N4BP2: variants seen among roughly 807,000 people sequenced by gnomAD.
N4BP2 encodes NEDD4 binding protein 2.
N4BP2 carries 91 observed loss-of-function variants against 152.8 expected under a neutral mutation model. The ratio of observed to expected loss-of-function variants is 0.60; its 90% CI spans 0.50 to 0.71. N4BP2 has a LOEUF of 0.71. Ranked by LOEUF, N4BP2 falls within the 30% of genes least tolerant of loss-of-function variation. The pLI is 0.00. For synonymous variants in N4BP2, 646 were observed against 705.3 expected, an observed-to-expected ratio of 0.92 and a Z score of 1.33; for missense variants, 1,923 against 2,059.1, an observed-to-expected ratio of 0.93 and a Z score of 1.28.
chr4:40,102,265 A>T lies in N4BP2; in HGVS notation c.420A>T (p.Glu140Asp). 1.9e-6 allele frequency: 3 copies of T among 1,613,786 alleles called. No individual in the cohort carries two copies. In the Middle Eastern group the frequency reaches 5.0e-4, roughly 266 times the overall value. ...CATTTTTGGACATGCAGCTAACTGAAGACCTGGATTCCTTAATACAGAATG... is the reference window on the plus strand; with the variant it reads ...CATTTTTGGACATGCAGCTAACTGATGACCTGGATTCCTTAATACAGAATG... ...MDSFLDMQLT[E>D]DLDSLIQNAF... Residue 140 changes from glutamate (E) to aspartate (D), a missense_variant, in exon 4 of 18, where the codon GAA (glutamate) becomes GAT (aspartate). Coordinates refer to ENST00000261435, the MANE Select transcript of N4BP2 (RefSeq NM_018177.6).
intron 2 of N4BP2, among the ~76,000 whole-genome samples, chr4:40,081,141 T>C (rs906256907): frequency 1.3e-5 from 2 of 152,068 alleles, no homozygotes; most frequent in African/African-American, 4.8e-5. Flanking sequence ...ATAATAATGA[T>C]TTTTTCCTGA....
chr4:40,190,123 TCTA>T, the N4BP2 span, among the ~76,000 whole-genome samples: 1 of 152,200 alleles, frequency 6.6e-6, no homozygotes, highest in Non-Finnish European at 1.5e-5. Flanking sequence ...TGTAACATAT[TCTA>T]CTACTAGAGT....
intron 12 of N4BP2, among the ~76,000 whole-genome samples, chr4:40,127,322 A>T (rs576343927): frequency 6.6e-6 from 1 of 150,432 alleles, no homozygotes; most frequent in Non-Finnish European, 1.5e-5. Context: ...GGTTTAAGTG[A>T]GCCTCCTGTC....
rs139552932 is a variant in N4BP2, at chr4:40,139,863, T to C, written c.4785+2781T>C. ...TTTTTGAGACAGGGTCTCACTGTGTTGCTCAGGCTGGAGTGCAGTGGCAGG... is the reference window on the plus strand; with the variant it reads ...TTTTTGAGACAGGGTCTCACTGTGTCGCTCAGGCTGGAGTGCAGTGGCAGG... On this transcript the variant is annotated intron_variant, in intron 14 of 17. Coordinates refer to ENST00000261435, the MANE Select transcript of N4BP2 (RefSeq NM_018177.6). 2.2e-3 allele frequency among the ~76,000 whole-genome samples: 320 copies of C among 142,646 alleles called. 1 individual carries two copies. Among genetic ancestry groups the C allele is most frequent in the African/African-American group, 7.8e-3 (300 of 38,248 alleles). The allele number at this position is 142,646 out of a possible 152,430, so 93.6% of individuals were successfully genotyped here. A position where few individuals can be genotyped will look rare whatever the true frequency, so the allele number is the denominator to read the frequency against.
At chr4:40,133,382 C>T (rs966790520) in intron 13 of N4BP2, among the ~76,000 whole-genome samples, 2 of 152,192 alleles carry the variant, frequency 1.3e-5, no homozygotes, top group East Asian at 3.8e-4. Context: ...GTCTCCCAGG[C>T]TGGAGTGCAG....
chr4:40,096,291 C>T (rs1715100728), intron 2 of N4BP2, among the ~76,000 whole-genome samples: 1 of 152,070 alleles, frequency 6.6e-6, no homozygotes, highest in African/African-American at 2.4e-5. Flanking sequence ...TGTTGGGGCT[C>T]TGAGGTCCTG....
rs554228663 is a variant in N4BP2 at position 40,063,746 on chromosome 4, C to T, written c.-212+6716C>T. On this transcript the variant is annotated intron_variant, in intron 1 of 17. Transcript: ENST00000261435. ...ACAACCTCCACCTCCCGTGTTCAAG[C>T]GATTCTCCTGTCTCAGCCTCCCGAG... 1.2e-4 allele frequency among the ~76,000 whole-genome samples: 18 copies of T among 151,982 alleles called. No individual in the cohort carries two copies. The South Asian group carries it at 3.3e-3, about 28-fold the overall frequency.
At position 40,103,162 on chromosome 4, in the gene N4BP2, A is replaced by T. The variant is rs1715875574; in HGVS notation, c.1317A>T (p.Gly439=). 1 of 1,613,974 alleles carries T rather than the reference A, an allele frequency of 6.2e-7. No homozygotes were observed. The highest frequency in any genetic ancestry group is 1.1e-5 in the South Asian group (1 of 91,072). The change falls in exon 4 of 18, where the codon GGA becomes GGT. Residue 439 remains glycine (G), a synonymous_variant. Transcript: ENST00000261435. ...QVVRKKTSYV[G]LVLVLLRGLP... ...TAAGAAAGAAGACATCTTACGTTGG[A>T]CTAGTTCTTGTTCTTCTCAGAGGTC...
chr4:40,109,250 A>T (rs1716630049), intron 5 of N4BP2, among the ~76,000 whole-genome samples: 1 of 152,156 alleles, frequency 6.6e-6, no homozygotes, highest in African/African-American at 2.4e-5. Flanking sequence ...ACATAACTAA[A>T]ACCAAAGGAG....
In N4BP2 at chr4:40,117,963, G is replaced by C; in HGVS notation, c.1759G>C (p.Val587Leu). The change falls in exon 8 of 18, where the codon GTT (valine) becomes CTT (leucine). Residue 587 changes from valine to leucine, a missense_variant. Coordinates refer to ENST00000261435, the MANE Select transcript of N4BP2 (RefSeq NM_018177.6). ...VSVPIIMSSS[V>L]PEKIERIELC... Reference sequence around the variant, plus strand: ...AGTGCCAATAATTATGAGTTCTTCGGTTCCAGAGAAAATTGAACGTATTGA... The same window carrying C: ...AGTGCCAATAATTATGAGTTCTTCGCTTCCAGAGAAAATTGAACGTATTGA... The C allele has an allele frequency of 1.9e-6, 3 of 1,612,508 alleles. No homozygotes were observed. The highest frequency in any genetic ancestry group is 2.5e-6 in the Non-Finnish European group (3 of 1,179,218).
intron 2 of N4BP2, among the ~76,000 whole-genome samples, chr4:40,092,003 AAAAAT>A (rs1714603762): frequency 1.3e-5 from 1 of 75,896 alleles, no homozygotes; most frequent in African/African-American, 5.0e-5. Context: ...AAAAAAAAAA[AAAAAT>A]TATATATATA....
chr4:40,081,592 GC>G (rs1329841342), intron 2 of N4BP2, among the ~76,000 whole-genome samples: 1 of 152,060 alleles, frequency 6.6e-6, no homozygotes, highest in Non-Finnish European at 1.5e-5. Flanking sequence ...GTTGTAGTGA[GC>G]CAAGATTGTG....
At chr4:40,185,872 G>T in the N4BP2 span, among the ~76,000 whole-genome samples, 1 of 152,184 alleles carries the variant, frequency 6.6e-6, no homozygotes, top group Non-Finnish European at 1.5e-5. Context: ...ACCAGACCTT[G>T]CAATCCTTGA....
At chr4:40,182,660 C>A in the N4BP2 span, among the ~76,000 whole-genome samples, 1 of 151,728 alleles carries the variant, frequency 6.6e-6, no homozygotes, top group Non-Finnish European at 1.5e-5. Context: ...GTTGCCCAGG[C>A]TGGTCCATTT....
At chr4:40,170,904 A>G in the N4BP2 span, among the ~76,000 whole-genome samples, 1 of 152,140 alleles carries the variant, frequency 6.6e-6, no homozygotes, top group Non-Finnish European at 1.5e-5. Flanking sequence ...TTCCTCTTTG[A>G]TATGTTGGAA....
At position 40,060,602 on chromosome 4, in the gene N4BP2, A is replaced by AT. The variant is rs11302996; in HGVS notation, c.-212+3590dup. 2.3e-3 allele frequency among the ~76,000 whole-genome samples: 306 copies of AT among 134,884 alleles called. 1 individual carries two copies. The highest frequency in any genetic ancestry group is 2.4e-3 in the African/African-American group (87 of 36,202). 88.5% of individuals were successfully genotyped at this position (134,884 alleles called of 152,430 possible). ...TAAATTTATGTGGCTAAGTAGCTAG[A>AT]TTTTTTTTTTTTTTTTTTGAGACAG... On this transcript the variant is annotated intron_variant, in intron 1 of 17. Coordinates refer to ENST00000261435, the MANE Select transcript of N4BP2 (RefSeq NM_018177.6).
chr4:40,143,445 C>G (rs1720233569), intron 15 of N4BP2, among the ~76,000 whole-genome samples: 1 of 152,092 alleles, frequency 6.6e-6, no homozygotes. Flanking sequence ...TCCCAAATAG[C>G]TGGGACTACA....
At chr4:40,178,878 T>G in the N4BP2 span, among the ~76,000 whole-genome samples, 2 of 152,176 alleles carry the variant, frequency 1.3e-5, no homozygotes, top group African/African-American at 4.8e-5. Context: ...GTTCTTGTAT[T>G]TGCTTAAACC....
chr4:40,186,796 A>C, the N4BP2 span, among the ~76,000 whole-genome samples: 19 of 152,314 alleles, frequency 1.2e-4, no homozygotes, highest in African/African-American at 4.1e-4. Context: ...CAAGAAGAAC[A>C]TGGTTGACTC....
Sources: allele counts gnomAD v4.1 joint callset (sites outside exome capture counted in the v4.1 genomes callset), GRCh38; gene constraint gnomAD v4.1.1; transcripts MANE v1.5; gene names NCBI Gene and HGNC (gene_info 2026-07-23, HGNC 2026-07-21).